The following ZNF292 variants were observed in gnomAD, a reference collection of about 807,000 sequenced individuals.
ZNF292 encodes the protein 16 zinc-finger domain protein.
ZNF292 carries 26 observed loss-of-function variants against 217.9 expected under a neutral mutation model. The observed-to-expected ratio is 0.12, with a 90% CI of 0.09 to 0.17. The LOEUF (loss-of-function observed/expected upper bound fraction) is 0.17, where lower values mean the gene tolerates loss of function less well. Among genes scored for constraint, ZNF292 ranks in the 10% least tolerant of loss-of-function variants. ZNF292 has a pLI of 1.00. For missense variants in ZNF292, 2,904 were observed against 3,175.2 expected (o/e 0.91, Z 2.05); for synonymous variants, 1,257 against 1,124.1 (o/e 1.12, Z -2.37).
intron 1 of ZNF292, among the ~76,000 whole-genome samples, chr6:87,202,284 T>G (rs1277656525): frequency 6.6e-6 from 1 of 152,198 alleles, no homozygotes; most frequent in Non-Finnish European, 1.5e-5. Flanking sequence ...TTAGATTCAT[T>G]CCTAGGTACT....
At chr6:87,189,578 A>T (rs920868733) in intron 1 of ZNF292, among the ~76,000 whole-genome samples, 6 of 151,926 alleles carry the variant, frequency 3.9e-5, no homozygotes, top group African/African-American at 1.5e-4. Context: ...GTAATGTATT[A>T]TGTAGAATAT....
At chr6:87,184,842 A>C (rs928409832) in intron 1 of ZNF292, among the ~76,000 whole-genome samples, 9 of 152,302 alleles carry the variant, frequency 5.9e-5, no homozygotes, top group African/African-American at 2.2e-4. Context: ...CTGGAGAACA[A>C]AGGCCCCTGA....
chr6:87,227,630 C>T (rs1490466412), intron 4 of ZNF292, among the ~76,000 whole-genome samples: 1 of 152,156 alleles, frequency 6.6e-6, no homozygotes, highest in South Asian at 2.1e-4. Flanking sequence ...AACCACTACC[C>T]TACTTTTTGT....
At chr6:87,197,722 C>CAAAAAAA (rs11312557) in intron 1 of ZNF292, among the ~76,000 whole-genome samples, 2 of 77,312 alleles carry the variant, frequency 2.6e-5, no homozygotes, top group Non-Finnish European at 2.4e-5. Context: ...CTCGCTGTTT[C>CAAAAAAA]AAAAAAAAAA....
In ZNF292 at chr6:87,257,887, T is replaced by G. The variant is rs1250019351; in HGVS notation, c.4258T>G (p.Ser1420Ala). ...QELLQSNGQPSLLASMILSTN... is the reference protein window; with the variant it reads ...QELLQSNGQPALLASMILSTN... ...ACTTCTACAGAGTAATGGACAGCCT[T>G]CTCTTCTTGCCAGCATGATTCTCTC... Residue 1420 changes from serine to alanine, a missense_variant, in exon 8 of 8, where the codon TCT (serine) becomes GCT (alanine). Coordinates refer to ENST00000369577, the MANE Select transcript of ZNF292 (RefSeq NM_015021.3). 6.2e-7 allele frequency: 1 copy of G among 1,613,892 alleles called. No individual in the cohort carries two copies. Among genetic ancestry groups the G allele is most frequent in the Admixed American group, 1.7e-5 (1 of 60,002 alleles).
chr6:87,168,286 A>G (rs746346889), intron 1 of ZNF292, among the ~76,000 whole-genome samples: 19 of 152,230 alleles, frequency 1.2e-4, no homozygotes, highest in Non-Finnish European at 2.5e-4. Context: ...AGTATGACCC[A>G]GTGTCATCAA....
Position 87,255,954 on chromosome 6 carries a change from A to C in ZNF292, c.2325A>C (p.Gln775His). Residue 775 changes from glutamine (Q) to histidine (H), a missense_variant, in exon 8 of 8, where the codon CAA becomes CAC. By Grantham distance (24) the Gln-to-His change is conservative. Around this residue, in one of 15 missense-constraint regions of ZNF292, gnomAD observed 216 missense variants for 308.3 expected, o/e 0.70. Transcript: ENST00000369577. The stretch of plus-strand genomic sequence containing the variant: ...TTTTAACCCACCGAAAGGAGCATCA[A>C]GTCTTTAGAGCAAAATGTATGTTTC... ...AELLTHRKEH[Q>H]VFRAKCMFPK... 1 of 1,612,552 alleles carries C rather than the reference A, an allele frequency of 6.2e-7. No individual in the cohort carries two copies. The highest frequency in any genetic ancestry group is 8.5e-7 in the Non-Finnish European group (1 of 1,179,152).
Position 87,225,878 on chromosome 6 carries a change from C to A in ZNF292, c.538+7147C>A, listed in dbSNP as rs552653807. Among the ~76,000 whole-genome samples the A allele has an allele frequency of 4.6e-4, 70 of 152,254 alleles. 4 individuals carry two copies. The South Asian group carries it at 0.014, about 31-fold the overall frequency. On this transcript the variant is annotated intron_variant, in intron 4 of 7. Coordinates refer to ENST00000369577, the MANE Select transcript of ZNF292 (RefSeq NM_015021.3). ...ATCAAACCCAAGTAGCAGACTTTCC[C>A]AAGAAGGTCTCACCATGCTCAGTTT... is the stretch of plus-strand genomic sequence containing the variant.
rs1323752305 is a variant in ZNF292, at chr6:87,155,579, G to A, written c.-13G>A. 5 of 1,572,340 alleles carry A rather than the reference G, an allele frequency of 3.2e-6. No homozygotes were observed. The highest frequency in any genetic ancestry group is 2.3e-5 in the East Asian group (1 of 42,726). Reference sequence around the variant, plus strand: ...GTGACCCAGGTGCGTACGCGACGGAGCGGGGTGTGAAGATGGCGGACGAAG... The same window carrying A: ...GTGACCCAGGTGCGTACGCGACGGAACGGGGTGTGAAGATGGCGGACGAAG... On this transcript the variant is annotated 5_prime_UTR_variant, in exon 1 of 8. Coordinates refer to ENST00000369577, the MANE Select transcript of ZNF292 (RefSeq NM_015021.3).
At chr6:87,223,655 T>G (rs190860479) in intron 4 of ZNF292, 7 of 152,346 alleles carry the variant, frequency 4.6e-5, no homozygotes, top group African/African-American at 1.4e-4. Flanking sequence ...TTATATATAT[T>G]TATTTTATTC....
chr6:87,184,623 T>C lies in ZNF292; in HGVS notation c.168+28864T>C, dbSNP rs959335446. ...AACCAATAGGATATGTATATAGATA[T>C]ATGAGAAGAGATTTATTAGGAGAAT... is the stretch of plus-strand genomic sequence containing the variant. On this transcript the variant is annotated intron_variant, in intron 1 of 7. Transcript: ENST00000369577. Among the ~76,000 whole-genome samples, 4 of 152,110 alleles carry C rather than the reference T, an allele frequency of 2.6e-5. 1 individual carries two copies. The South Asian group carries it at 8.3e-4, about 32-fold the overall frequency.
chr6:87,246,460 G>C (rs557158493), intron 7 of ZNF292, among the ~76,000 whole-genome samples: 2 of 152,274 alleles, frequency 1.3e-5, no homozygotes, highest in South Asian at 4.1e-4. Context: ...CAGAAAGCTT[G>C]AACTGATGCT....
At chr6:87,221,168 G>A (rs972197000) in intron 4 of ZNF292, among the ~76,000 whole-genome samples, 1 of 152,144 alleles carries the variant, frequency 6.6e-6, no homozygotes, top group African/African-American at 2.4e-5. Context: ...GGGAGAGTAA[G>A]GGTGGACAGG....
chr6:87,173,981 C>T (rs551299908), intron 1 of ZNF292: 3 of 265,150 alleles, frequency 1.1e-5, no homozygotes, highest in Admixed American at 5.8e-5. Flanking sequence ...CAGAAAATAA[C>T]AAAATCTGCT....
intron 7 of ZNF292, among the ~76,000 whole-genome samples, chr6:87,254,231 A>G (rs1224991046): frequency 6.6e-6 from 1 of 152,234 alleles, no homozygotes; most frequent in Non-Finnish European, 1.5e-5. Context: ...AAGAGTTACA[A>G]TAAGGATGAC....
intron 1 of ZNF292, among the ~76,000 whole-genome samples, chr6:87,183,072 A>G (rs1771518284): frequency 6.6e-6 from 1 of 152,194 alleles, no homozygotes; most frequent in African/African-American, 2.4e-5. Flanking sequence ...TAGATTATAA[A>G]TGACTGTGTA....
chr6:87,160,642 G>GGTGTGT (rs141577588), intron 1 of ZNF292, among the ~76,000 whole-genome samples: 24 of 148,668 alleles, frequency 1.6e-4, no homozygotes, highest in Middle Eastern at 3.5e-3. Flanking sequence ...ACATGTATAC[G>GGTGTGT]GTGTGTGTGT....
rs371937445 is a variant in ZNF292, at chr6:87,183,700, G to A, written c.168+27941G>A. Among the ~76,000 whole-genome samples, 378 of 152,246 alleles carry A rather than the reference G, an allele frequency of 2.5e-3. 2 individuals are homozygous for A. The highest frequency in any genetic ancestry group is 3.0e-3 in the Non-Finnish European group (205 of 67,992). ...AGTAATGACATACATATTTTTGCAAGCATAAATAGATACACTAAGGATAGT... is the reference window on the plus strand; with the variant it reads ...AGTAATGACATACATATTTTTGCAAACATAAATAGATACACTAAGGATAGT... On this transcript the variant is annotated intron_variant, in intron 1 of 7. Transcript: ENST00000369577.
chr6:87,245,513 C>G lies in ZNF292; in HGVS notation c.889C>G (p.Leu297Val). Residue 297 changes from leucine to valine, a missense_variant, in exon 7 of 8, where the codon CTC (leucine) becomes GTC (valine). Around this residue, in one of 15 missense-constraint regions of ZNF292, gnomAD observed 313 missense variants for 451.0 expected, o/e 0.69. Transcript: ENST00000369577. ...GDMYCAWELT[L>V]FWSKLQQRVE... ...CTTTTTTTTTTTAAGGGAACTTACT[C>G]TCTTTTGGAGTAAATTACAACAAAG... is the stretch of plus-strand genomic sequence containing the variant. 1 of 1,511,426 alleles carries G rather than the reference C, an allele frequency of 6.6e-7. No individual in the cohort carries two copies. 93.6% of individuals were successfully genotyped at this position (1,511,426 alleles called of 1,614,324 possible). A position where few individuals can be genotyped will look rare whatever the true frequency, so the allele number is the denominator to read the frequency against.
Sources: allele counts gnomAD v4.1 joint callset (sites outside exome capture counted in the v4.1 genomes callset), GRCh38; gene constraint gnomAD v4.1.1; regional missense constraint gnomAD v4.1.1; transcripts MANE v1.5; gene names NCBI Gene and HGNC (gene_info 2026-07-23, HGNC 2026-07-21).